Variants in EPRS1 observed in about 807,000 individuals in gnomAD.
EPRS1 encodes bifunctional glutamate/proline--tRNA ligase.
EPRS1 carries 107 observed loss-of-function variants against 188.3 expected under a neutral mutation model. The observed-to-expected ratio is 0.57, with a 90% CI of 0.49 to 0.67. The LOEUF is 0.67. Ranked by LOEUF, EPRS1 falls within the 30% of genes least tolerant of loss-of-function variation. The pLI is 0.00. For missense variants in EPRS1, 1,577 were observed against 1,802.2 expected, an observed-to-expected ratio of 0.88 and a Z score of 2.26; for synonymous variants, 596 against 593.1, an observed-to-expected ratio of 1.00 and a Z score of -0.07.
At chr1:220,035,231 AC>A (rs1262239136) in intron 2 of EPRS1, among the ~76,000 whole-genome samples, 8 of 152,116 alleles carry the variant, frequency 5.3e-5, no homozygotes, top group African/African-American at 1.9e-4. Context: ...GTTCACTGCA[AC>A]CTCTGCCTCC....
At chr1:220,014,741 T>C (rs944280003) in intron 12 of EPRS1, among the ~76,000 whole-genome samples, 5 of 152,146 alleles carry the variant, frequency 3.3e-5, no homozygotes, top group African/African-American at 1.2e-4. Flanking sequence ...CATTGTACAG[T>C]GAAGCTCAGT....
intron 18 of EPRS1, among the ~76,000 whole-genome samples, chr1:219,990,320 G>A (rs1370256430): frequency 6.6e-6 from 1 of 152,022 alleles, no homozygotes; most frequent in Admixed American, 6.6e-5. Flanking sequence ...TCCAAAAAGA[G>A]TAAAATTATA....
chr1:220,006,466 A>C (rs1009222500), intron 14 of EPRS1, among the ~76,000 whole-genome samples, 153 bp from the exon 15 acceptor site: 3 of 152,054 alleles, frequency 2.0e-5, no homozygotes, highest in Admixed American at 6.6e-5. Context: ...AAAAATTCCA[A>C]ATCAAACATT....
chr1:220,014,518 G>A (rs992450721), intron 12 of EPRS1, among the ~76,000 whole-genome samples: 3 of 152,138 alleles, frequency 2.0e-5, no homozygotes, highest in Admixed American at 2.0e-4. Context: ...AAAGGGTACT[G>A]CACGAGAGAC....
At chr1:220,003,314 GA>G (rs1198673857) in intron 16 of EPRS1, among the ~76,000 whole-genome samples, 3 of 151,990 alleles carry the variant, frequency 2.0e-5, no homozygotes, top group Admixed American at 2.0e-4. Flanking sequence ...TTCTCTTCTG[GA>G]TACAAGTCCT....
rs1331107526 is a variant in EPRS1, at chr1:219,971,968, T to C, written c.4323+101A>G. On this transcript the variant is annotated intron_variant, in intron 30 of 31. Transcript: ENST00000366923. ...AGTAATGTACTATCTTTTTATGTGA[T>C]TGGCTTAAAAAGGTATTAATACCAT... 7.4e-6 allele frequency: 4 copies of C among 543,314 alleles called. No individual in the cohort carries two copies. The East Asian group carries it at 1.2e-4, about 17-fold the overall frequency. 33.7% of individuals were successfully genotyped at this position (543,314 alleles called of 1,614,324 possible).
At chr1:220,001,350 A>C (rs1358857379) in intron 16 of EPRS1, 95 bp from the exon 17 acceptor site, 2 of 752,206 alleles carry the variant, frequency 2.7e-6, no homozygotes, top group Non-Finnish European at 4.7e-6. Context: ...AATGGCACTA[A>C]GTTAATGCTT....
intron 6 of EPRS1, among the ~76,000 whole-genome samples, chr1:220,029,981 AAATAACTTAAAGACC>A (rs1170707225): frequency 2.0e-5 from 3 of 152,214 alleles, no homozygotes; most frequent in Non-Finnish European, 4.4e-5. Context: ...TGGGGAAAAA[AAATAACTTAAAGACC>A]AATACTATTA....
chr1:220,040,556 T>C (rs1239326867), intron 1 of EPRS1, among the ~76,000 whole-genome samples: 1 of 152,158 alleles, frequency 6.6e-6, no homozygotes, highest in Non-Finnish European at 1.5e-5. Flanking sequence ...CAAAAAGAAA[T>C]TAGTATAGTG....
intron 23 of EPRS1, 92 bp from the exon 24 acceptor site, chr1:219,981,549 A>C (rs911360012): frequency 4.9e-6 from 3 of 609,124 alleles, no homozygotes; most frequent in Non-Finnish European, 8.5e-6. Context: ...ATTAATAGGA[A>C]TTAAAATGTA....
At position 219,968,839 on chromosome 1, in the gene EPRS1, G is replaced by A. The variant is rs775518538; in HGVS notation, c.4506C>T (p.Ala1502=). 2 of 1,614,172 alleles carry A rather than the reference G, an allele frequency of 1.2e-6. No homozygotes were observed. The highest frequency in any genetic ancestry group is 1.7e-6 in the Non-Finnish European group (2 of 1,180,010). Residue 1502 remains alanine (A), a synonymous_variant, in exon 32 of 32, where the codon GCC becomes GCT. Coordinates refer to ENST00000366923, the MANE Select transcript of EPRS1 (RefSeq NM_004446.3). ...TGCGACCAAATAAGGTGTAGTACTT[G>A]GCAGGGTTCTTGCCACAGACACATT... ...GAKCVCGKNP[A]KYYTLFGRSY
rs948277173 is a variant in EPRS1, at chr1:219,978,464, C to G, written c.4083+82G>C. 2.3e-5 allele frequency: 25 copies of G among 1,097,380 alleles called. 1 individual carries two copies. Among genetic ancestry groups the G allele is most frequent in the Non-Finnish European group, 3.2e-5 (25 of 787,116 alleles). 68.0% of individuals were successfully genotyped at this position (1,097,380 alleles called of 1,614,324 possible). ...AAAATAGAGGAAAGTAATGAGAAAC[C>G]TCGTTTTATAAAAACATGCAGAGGA... On this transcript the variant is annotated intron_variant, in intron 28 of 31. Transcript: ENST00000366923.
chr1:220,027,179 C>G (rs1192359343), intron 6 of EPRS1, among the ~76,000 whole-genome samples: 1 of 151,972 alleles, frequency 6.6e-6, no homozygotes, highest in East Asian at 2.0e-4. Flanking sequence ...AATCCCATCA[C>G]TTTGGGAGGT....
chr1:219,997,313 T>C lies in EPRS1; in HGVS notation c.2211A>G (p.Thr737=). The C allele has an allele frequency of 6.2e-7, 1 of 1,608,380 alleles. No homozygotes were observed. The highest frequency in any genetic ancestry group is 8.5e-7 in the Non-Finnish European group (1 of 1,177,694). Residue 737 remains threonine (T), a synonymous_variant, in exon 18 of 32, where the codon ACA becomes ACG. Coordinates refer to ENST00000366923, the MANE Select transcript of EPRS1 (RefSeq NM_004446.3). ...TAGTACAATTATTATTCAGAGAAGG[T>C]GTTGGTCTTTCCTTAAAAGGAGCAG... ...ETSAPFKERP[T]PSLNNNCTTS...
At chr1:220,000,723 A>G (rs1661333742) in intron 17 of EPRS1, among the ~76,000 whole-genome samples, 1 of 152,190 alleles carries the variant, frequency 6.6e-6, no homozygotes, top group African/African-American at 2.4e-5. Flanking sequence ...ACTCATGCCT[A>G]TAATCCCAGC....
intron 6 of EPRS1, among the ~76,000 whole-genome samples, chr1:220,025,680 G>C (rs995538404): frequency 2.0e-5 from 3 of 152,142 alleles, no homozygotes; most frequent in Admixed American, 2.0e-4. Context: ...TATGCCACTG[G>C]AGAGAAGCTC....
chr1:220,042,257 C>T (rs1418791278), intron 1 of EPRS1, among the ~76,000 whole-genome samples: 3 of 149,852 alleles, frequency 2.0e-5, no homozygotes, highest in Admixed American at 6.7e-5. Context: ...CTGAGGCAGG[C>T]GGATTGCCTG....
intron 28 of EPRS1, among the ~76,000 whole-genome samples, chr1:219,977,059 A>G (rs569393945): frequency 1.9e-4 from 29 of 152,308 alleles, no homozygotes; most frequent in African/African-American, 6.7e-4. Context: ...ATTAATCTGA[A>G]TAAGTTTCAA....
intron 18 of EPRS1, among the ~76,000 whole-genome samples, chr1:219,991,002 G>T (rs1307813579): frequency 6.6e-6 from 1 of 152,026 alleles, no homozygotes; most frequent in South Asian, 2.1e-4. Context: ...AATGAGAAAA[G>T]AAACAACCTA....
Sources: gnomAD v4.1 joint callset for allele counts (sites outside exome capture counted in the v4.1 genomes callset) on GRCh38, gnomAD v4.1.1 for gene constraint, MANE v1.5 for transcripts, NCBI Gene and HGNC (gene_info 2026-07-23, HGNC 2026-07-21) for gene names.